GRIA4: variants seen among roughly 807,000 people sequenced by gnomAD.
GRIA4 encodes glutamate ionotropic receptor AMPA type subunit 4.
In GRIA4, 34 loss-of-function variants were observed where a neutral mutation model predicts 104.0. The observed-to-expected ratio is 0.33, with a 90% CI of 0.25 to 0.44. The LOEUF (loss-of-function observed/expected upper bound fraction) is 0.44, where lower values mean the gene tolerates loss of function less well. GRIA4 is among the 20% of genes least tolerant of loss of function. The probability of loss-of-function intolerance (pLI) is 1.00; values close to 1 mark genes in which losing one functional copy is unlikely to be tolerated. For synonymous variants in GRIA4, 386 were observed against 381.9 expected, an observed-to-expected ratio of 1.01 and a Z score of -0.13; for missense variants, 750 against 1,096.5, an observed-to-expected ratio of 0.68 and a Z score of 4.46.
chr11:105,964,689 G>A (rs1368772517), intron 14 of GRIA4, among the ~76,000 whole-genome samples: 2 of 151,482 alleles, frequency 1.3e-5, no homozygotes, highest in South Asian at 4.2e-4. Context: ...TTAAATGATG[G>A]AAAAATCTCT....
intron 3 of GRIA4, among the ~76,000 whole-genome samples, chr11:105,675,919 T>C (rs1288043623): frequency 6.6e-6 from 1 of 151,816 alleles, no homozygotes; most frequent in Non-Finnish European, 1.5e-5. Context: ...TTGTTCCTAG[T>C]CTGGCGTTAG....
chr11:105,944,424 C>A (rs1460048940), intron 14 of GRIA4, among the ~76,000 whole-genome samples: 1 of 152,032 alleles, frequency 6.6e-6, no homozygotes, highest in Non-Finnish European at 1.5e-5. Flanking sequence ...AATCAATTGT[C>A]TGGTATTTGT....
chr11:105,718,501 T>C (rs1479902013), intron 3 of GRIA4, among the ~76,000 whole-genome samples: 1 of 152,144 alleles, frequency 6.6e-6, no homozygotes, highest in Non-Finnish European at 1.5e-5. Context: ...TGGATGGATA[T>C]TTGAGGGAGG....
intron 4 of GRIA4, among the ~76,000 whole-genome samples, chr11:105,758,819 C>A (rs1357322810): frequency 1.3e-5 from 2 of 151,998 alleles, no homozygotes; most frequent in African/African-American, 4.8e-5. Flanking sequence ...TCAGATACAA[C>A]GTATAAATTC....
intron 14 of GRIA4, among the ~76,000 whole-genome samples, chr11:105,948,713 C>G: frequency 6.7e-6 from 1 of 150,086 alleles, no homozygotes; most frequent in Non-Finnish European, 1.5e-5. Flanking sequence ...GCAAGCGACT[C>G]TCCTGCCTCA....
intron 14 of GRIA4, among the ~76,000 whole-genome samples, chr11:105,939,859 G>A (rs1209905050): frequency 6.6e-6 from 1 of 152,178 alleles, no homozygotes; most frequent in East Asian, 1.9e-4. Context: ...AAAGGAAAGA[G>A]TGCCAGGAAG....
In GRIA4 at chr11:105,970,543, A is replaced by C. The variant is rs945286066; in HGVS notation, c.2295-1371A>C. ...AATGTGAATGATGTTAGTGAACATG[A>C]AAAATGCTTTTAACCGTGCCTGGTA... is the stretch of plus-strand genomic sequence containing the variant. On this transcript the variant is annotated intron_variant, in intron 14 of 16. Transcript: ENST00000282499. Among the ~76,000 whole-genome samples the C allele has an allele frequency of 1.3e-4, 20 of 152,220 alleles. 1 individual carries two copies. Among genetic ancestry groups the C allele is most frequent in the African/African-American group, 3.4e-4 (14 of 41,458 alleles).
intron 3 of GRIA4, among the ~76,000 whole-genome samples, chr11:105,663,081 T>C (rs1044092080): frequency 2.0e-5 from 3 of 151,942 alleles, no homozygotes; most frequent in African/African-American, 4.8e-5. Context: ...TTATAATAAC[T>C]ATAAACTCAT....
At chr11:105,665,505 G>T (rs1952138676) in intron 3 of GRIA4, among the ~76,000 whole-genome samples, 1 of 151,984 alleles carries the variant, frequency 6.6e-6, no homozygotes, top group Non-Finnish European at 1.5e-5. Context: ...GAGCAGTGCA[G>T]GACCAGAGAG....
chr11:105,912,518 T>TTTTATATATATATAAATATATATATA (rs1463304108), intron 10 of GRIA4: 2 of 362,974 alleles, frequency 5.5e-6, no homozygotes, highest in African/African-American at 2.3e-5. Context: ...AATCCAACTG[T>TTTTATATATATATAAATATATATATA]TTTATATATA....
At chr11:105,672,089 C>A (rs1328751766) in intron 3 of GRIA4, among the ~76,000 whole-genome samples, 1 of 152,056 alleles carries the variant, frequency 6.6e-6, no homozygotes, top group Non-Finnish European at 1.5e-5. Context: ...TAAAAACTGA[C>A]ATTTTGTATG....
At chr11:105,943,985 T>C (rs1008910586) in intron 14 of GRIA4, among the ~76,000 whole-genome samples, 1 of 152,016 alleles carries the variant, frequency 6.6e-6, no homozygotes, top group African/African-American at 2.4e-5. Context: ...GAAGTTAGAG[T>C]ACCAAGGAAG....
intron 3 of GRIA4, among the ~76,000 whole-genome samples, chr11:105,725,653 A>T (rs1301837251): frequency 1.3e-5 from 2 of 152,192 alleles, no homozygotes; most frequent in Non-Finnish European, 2.9e-5. Flanking sequence ...AGTGAGACCA[A>T]CACAGAAAGA....
intron 3 of GRIA4, among the ~76,000 whole-genome samples, chr11:105,684,125 C>T (rs1446222553): frequency 2.0e-5 from 3 of 152,068 alleles, no homozygotes; most frequent in Non-Finnish European, 2.9e-5. Flanking sequence ...CCACCCGCCT[C>T]GGCCTCCCAA....
chr11:105,879,672 T>G (rs999142846), intron 5 of GRIA4, among the ~76,000 whole-genome samples: 1 of 152,216 alleles, frequency 6.6e-6, no homozygotes, highest in African/African-American at 2.4e-5. Flanking sequence ...GTATATATAC[T>G]GTTATTCAAA....
Position 105,981,016 on chromosome 11 carries a change from T to C in GRIA4, c.*1277T>C, listed in dbSNP as rs1221439848. On this transcript the variant is annotated 3_prime_UTR_variant, in exon 17 of 17. Transcript: ENST00000282499. ...TAAAATTATGTGTCTCTTGGGCTTC[T>C]TCCCTTATTCCTATTGTTCCCTTTA... 3 of 152,658 alleles carry C rather than the reference T, an allele frequency of 2.0e-5. No homozygotes were observed. The highest frequency in any genetic ancestry group is 4.4e-5 in the Non-Finnish European group (3 of 68,026). The allele number at this position is 152,658 out of a possible 1,614,324, so 9.5% of individuals were successfully genotyped here. A position where few individuals can be genotyped will look rare whatever the true frequency, so the allele number is the denominator to read the frequency against.
intron 4 of GRIA4, among the ~76,000 whole-genome samples, chr11:105,829,712 A>G (rs1199195244): frequency 6.6e-6 from 1 of 151,930 alleles, no homozygotes. Flanking sequence ...GCAGAAAGGG[A>G]GAAATGCATG....
At chr11:105,666,667 G>A (rs185946642) in intron 3 of GRIA4, among the ~76,000 whole-genome samples, 2 of 151,902 alleles carry the variant, frequency 1.3e-5, no homozygotes, top group South Asian at 2.1e-4. Flanking sequence ...CTTTTTTGAA[G>A]TATTTATAAA....
intron 14 of GRIA4, among the ~76,000 whole-genome samples, chr11:105,962,592 C>T (rs3824911): frequency 0.29 from 43,450 of 151,846 alleles, 6,214 homozygotes; most frequent in African/African-American, 0.3. Context: ...ATTCTAGGCC[C>T]GAATCAAATT....
Sources: gnomAD v4.1 joint callset for allele counts (sites outside exome capture counted in the v4.1 genomes callset) on GRCh38, gnomAD v4.1.1 for gene constraint, MANE v1.5 for transcripts, NCBI Gene and HGNC (gene_info 2026-07-23, HGNC 2026-07-21) for gene names.